Variants in MOCS1 observed in about 807,000 individuals in gnomAD.
MOCS1 encodes molybdenum cofactor synthesis 1, also known as molybdenum cofactor biosynthesis protein 1.
MOCS1 carries 39 observed loss-of-function variants against 57.6 expected under a neutral mutation model. The observed-to-expected ratio is 0.68, with a 90% confidence interval of 0.52 to 0.88. MOCS1 has a LOEUF of 0.88. MOCS1 is among the 40% of genes least tolerant of loss of function. The pLI, the probability that MOCS1 is intolerant of heterozygous loss-of-function variation, is 0.00. For synonymous variants in MOCS1, 334 were observed against 335.7 expected, an observed-to-expected ratio of 1.00 and a Z score of 0.05; for missense variants, 795 against 831.1, an observed-to-expected ratio of 0.96 and a Z score of 0.53.
In MOCS1 at chr6:39,906,776, T is replaced by C; in HGVS notation, c.1492A>G (p.Arg498Gly). Residue 498 changes from arginine to glycine, a missense_variant, in exon 11 of 11, where the codon AGG becomes GGG. By Grantham distance (125) the Arg-to-Gly change is moderately radical. Transcript: ENST00000340692. Reference protein sequence around the residue: ...EGRAAMVDVGRKPDTERVAVA... With the variant: ...EGRAAMVDVGGKPDTERVAVA... ...GCCACCCGCTCTGTGTCTGGCTTCCTGCCCACATCTACCATAGCTGCCCGT... is the reference window on the plus strand; with the variant it reads ...GCCACCCGCTCTGTGTCTGGCTTCCCGCCCACATCTACCATAGCTGCCCGT... The C allele has an allele frequency of 6.2e-7, 1 of 1,614,242 alleles. No individual in the cohort carries two copies. Among genetic ancestry groups the C allele is most frequent in the Non-Finnish European group, 8.5e-7 (1 of 1,180,032 alleles).
intron 8 of MOCS1, 79 bp from the exon 9 acceptor site, chr6:39,910,034 C>T (rs1767230285): frequency 8.8e-6 from 14 of 1,596,700 alleles, no homozygotes; most frequent in Admixed American, 1.7e-5. Context: ...AACTCCTTCC[C>T]TGGTTCTCCC....
chr6:39,928,934 A>G (rs2149423774), intron 1 of MOCS1, among the ~76,000 whole-genome samples: 1 of 152,332 alleles, frequency 6.6e-6, no homozygotes, highest in Admixed American at 6.5e-5. Flanking sequence ...TGCACATTAG[A>G]ACCATCTGGA....
rs1266749648 is a variant in MOCS1, at chr6:39,913,443, A to G, written c.646-15T>C. ...ACACAGTTCACCTGGCCGGGGAACAATGGGACCATGAGGGCTGTGCCCCCT... is the reference window on the plus strand; with the variant it reads ...ACACAGTTCACCTGGCCGGGGAACAGTGGGACCATGAGGGCTGTGCCCCCT... On this transcript the variant is annotated splice_polypyrimidine_tract_variant and intron_variant, in intron 5 of 10. Coordinates refer to ENST00000340692, the MANE Select transcript of MOCS1 (RefSeq NM_001358530.2). The G allele has an allele frequency of 1.2e-6, 2 of 1,608,472 alleles. No individual in the cohort carries two copies. The highest frequency in any genetic ancestry group is 1.3e-5 in the African/African-American group (1 of 74,828).
At chr6:39,914,136 T>G (rs529318933) in intron 4 of MOCS1, among the ~76,000 whole-genome samples, 2 of 152,380 alleles carry the variant, frequency 1.3e-5, no homozygotes, top group South Asian at 4.1e-4. Flanking sequence ...AATATTTTGC[T>G]TAAATGGGGT....
chr6:39,911,521 G>GTCTC (rs1767326854), intron 8 of MOCS1, among the ~76,000 whole-genome samples: 1 of 152,208 alleles, frequency 6.6e-6, no homozygotes, highest in African/African-American at 2.4e-5. Context: ...CATGGGGGAT[G>GTCTC]TCTCCCCTGT....
In MOCS1 at chr6:39,927,430, A is replaced by C; in HGVS notation, c.149T>G (p.Leu50Arg). 1 of 1,612,364 alleles carries C rather than the reference A, an allele frequency of 6.2e-7. No homozygotes were observed. Among genetic ancestry groups the C allele is most frequent in the South Asian group, 1.1e-5 (1 of 90,938 alleles). The change falls in exon 2 of 11, where the codon CTG becomes CGG. Residue 50 changes from leucine (L) to arginine (R), a missense_variant. Around this residue, in one of 3 missense-constraint regions of MOCS1, gnomAD observed 416 missense variants for 392.4 expected, o/e 1.06. Transcript: ENST00000340692. ...SEEVSRRRQF[L>R]REHAAPFSAF... The stretch of plus-strand genomic sequence containing the variant: ...GGAGAAGGGGGCCGCATGCTCCCGC[A>C]GGAACTGCCTCCGCCTGGACACCTC...
At chr6:39,914,417 T>C (rs572599645) in intron 4 of MOCS1, among the ~76,000 whole-genome samples, 18 of 152,344 alleles carry the variant, frequency 1.2e-4, no homozygotes, top group African/African-American at 4.3e-4. Flanking sequence ...CAACAGTCCA[T>C]CAATTATTCA....
At chr6:39,920,737 G>T (rs1437688465) in intron 3 of MOCS1, among the ~76,000 whole-genome samples, 1 of 152,138 alleles carries the variant, frequency 6.6e-6, no homozygotes, top group Admixed American at 6.6e-5. Context: ...CCAGCACTTT[G>T]GGAGGCCAGG....
At chr6:39,925,571 G>C in intron 3 of MOCS1, 107 bp downstream of exon 3, 2 of 1,281,268 alleles carry the variant, frequency 1.6e-6, no homozygotes, top group Non-Finnish European at 2.3e-6. Flanking sequence ...GACCAAGAGA[G>C]TGTCATGTGC....
At chr6:39,923,878 C>T (rs978278328) in intron 3 of MOCS1, among the ~76,000 whole-genome samples, 7 of 152,202 alleles carry the variant, frequency 4.6e-5, no homozygotes, top group Non-Finnish European at 7.3e-5. Flanking sequence ...TCCTCAACAG[C>T]AGGGCTGGTG....
At chr6:39,912,218 G>A in intron 8 of MOCS1, 46 bp downstream of exon 8, 2 of 1,400,776 alleles carry the variant, frequency 1.4e-6, no homozygotes, top group South Asian at 2.3e-5. Flanking sequence ...GGAGACATGA[G>A]AACACAGAGG....
At chr6:39,918,351 G>C (rs1767777373) in intron 3 of MOCS1, among the ~76,000 whole-genome samples, 1 of 152,242 alleles carries the variant, frequency 6.6e-6, no homozygotes, top group Non-Finnish European at 1.5e-5. Flanking sequence ...TTCATCATCA[G>C]TTTAAGGTAG....
intron 1 of MOCS1, chr6:39,927,775 T>A: frequency 1.4e-6 from 2 of 1,437,740 alleles, no homozygotes; most frequent in Admixed American, 2.4e-5. Context: ...TTCTTCACTC[T>A]AGCCAGTGCC....
rs1245703784 is a variant in MOCS1, at chr6:39,904,372, T to C, written c.*1985A>G. On this transcript the variant is annotated 3_prime_UTR_variant, in exon 11 of 11. Coordinates refer to ENST00000340692, the MANE Select transcript of MOCS1 (RefSeq NM_001358530.2). ...AGTGCCTTGGACCATGGACTCATAC[T>C]CAACTGAGTAAGAAGGGGCTGGTGC... The C allele has an allele frequency of 2.2e-6, 1 of 456,640 alleles. No homozygotes were observed. Among genetic ancestry groups the C allele is most frequent in the East Asian group, 6.9e-5 (1 of 14,398 alleles). The allele number at this position is 456,640 out of a possible 1,614,324, so 28.3% of individuals were successfully genotyped here. A position where few individuals can be genotyped will look rare whatever the true frequency, so the allele number is the denominator to read the frequency against.
chr6:39,925,640 G>C, intron 3 of MOCS1, 38 bp downstream of exon 3: 2 of 1,612,002 alleles, frequency 1.2e-6, no homozygotes, highest in Non-Finnish European at 1.7e-6. Context: ...GGATGAGGCA[G>C]CGCTGGGAGA....
chr6:39,905,547 T>C lies in MOCS1; in HGVS notation c.*810A>G, dbSNP rs751787114. The C allele has an allele frequency of 4.2e-6, 2 of 471,178 alleles. No homozygotes were observed. Among genetic ancestry groups the C allele is most frequent in the Non-Finnish European group, 8.8e-6 (2 of 227,056 alleles). 29.2% of individuals were successfully genotyped at this position (471,178 alleles called of 1,614,324 possible). On this transcript the variant is annotated 3_prime_UTR_variant, in exon 11 of 11. Transcript: ENST00000340692. The stretch of plus-strand genomic sequence containing the variant: ...CTGCAAAGTTGGCATCGTAGCTTTA[T>C]TTGTGCGCTGTGAGGGTGAAGGCAA...
chr6:39,921,534 T>C (rs1377755274), intron 3 of MOCS1, among the ~76,000 whole-genome samples: 1 of 152,102 alleles, frequency 6.6e-6, no homozygotes, highest in East Asian at 2.0e-4. Context: ...GAACCAAGTA[T>C]GATTTAACTA....
intron 4 of MOCS1, 133 bp from the exon 5 acceptor site, chr6:39,913,968 G>T: frequency 1.1e-6 from 1 of 920,316 alleles, no homozygotes. Flanking sequence ...GAGTAATATC[G>T]TAGGCTTTGC....
At chr6:39,926,572 G>A (rs1768316071) in intron 2 of MOCS1, among the ~76,000 whole-genome samples, 1 of 150,476 alleles carries the variant, frequency 6.6e-6, no homozygotes, top group Non-Finnish European at 1.5e-5. Flanking sequence ...CCAGTCCTTT[G>A]AGACTGAAGA....
Sources: gnomAD v4.1 joint callset for allele counts (sites outside exome capture counted in the v4.1 genomes callset) on GRCh38, gnomAD v4.1.1 for gene constraint, gnomAD v4.1.1 regional missense constraint, MANE v1.5 for transcripts, NCBI Gene and HGNC (gene_info 2026-07-23, HGNC 2026-07-21) for gene names.